The following SEC23IP variants were observed in gnomAD, a reference collection of about 807,000 sequenced individuals.
The protein encoded by SEC23IP is SEC23 interacting protein, also known as SEC23-interacting protein.
A neutral mutation model predicts 113.4 loss-of-function variants in SEC23IP; 70 were observed. The ratio of observed to expected loss-of-function variants is 0.62; its 90% CI spans 0.51 to 0.75. SEC23IP has a LOEUF of 0.75. Ranked by LOEUF, SEC23IP falls within the 30% of genes least tolerant of loss-of-function variation. The probability of loss-of-function intolerance (pLI) is 0.00; values close to 1 mark genes in which losing one functional copy is unlikely to be tolerated. For synonymous variants in SEC23IP, 398 were observed against 421.0 expected (o/e 0.95, Z 0.67); for missense variants, 1,160 against 1,204.9 (o/e 0.96, Z 0.55).
rs568198496 is a variant in SEC23IP at position 119,937,033 on chromosome 10, G to C, written c.*20+3246G>C. Among the ~76,000 whole-genome samples, 4 of 151,716 alleles carry C rather than the reference G, an allele frequency of 2.6e-5. No individual in the cohort carries two copies. In the East Asian group the frequency reaches 7.9e-4, roughly 30 times the overall value. ...CTCCCGAGTAGCTGGGACTACAGGC[G>C]CCCGCTGCTGTGCCCAGCTAATTTT... On this transcript the variant is annotated intron_variant, in intron 18 of 18. Coordinates refer to ENST00000369075, the MANE Select transcript of SEC23IP (RefSeq NM_007190.4).
intron 6 of SEC23IP, among the ~76,000 whole-genome samples, chr10:119,912,384 C>T (rs142984716): frequency 9.9e-5 from 15 of 152,276 alleles, no homozygotes; most frequent in Non-Finnish European, 1.8e-4. Context: ...TTGCCTGCCT[C>T]GGCCTCCCAG....
chr10:119,914,130 A>C (rs892426424), intron 6 of SEC23IP, among the ~76,000 whole-genome samples: 1 of 152,184 alleles, frequency 6.6e-6, no homozygotes, highest in Non-Finnish European at 1.5e-5. Context: ...ATTGCACTCT[A>C]TCCCGGGCGA....
rs1855948686 is a variant in SEC23IP at position 119,941,033 on chromosome 10, T to C, written c.*468T>C. On this transcript the variant is annotated 3_prime_UTR_variant, in exon 19 of 19. Coordinates refer to ENST00000369075, the MANE Select transcript of SEC23IP (RefSeq NM_007190.4). Reference sequence around the variant, plus strand: ...TTGAGAAACTATAGTAATATGATTTTTAAGAGATTTATGTTCTACTTAAAA... The same window carrying C: ...TTGAGAAACTATAGTAATATGATTTCTAAGAGATTTATGTTCTACTTAAAA... 6.6e-6 allele frequency: 1 copy of C among 152,234 alleles called. No homozygotes were observed. Among genetic ancestry groups the C allele is most frequent in the African/African-American group, 2.4e-5 (1 of 41,454 alleles). The allele number at this position is 152,234 out of a possible 1,614,324, so 9.4% of individuals were successfully genotyped here.
rs149556449 is a variant in SEC23IP at position 119,919,211 on chromosome 10, C to T, written c.1873-233C>T. On this transcript the variant is annotated intron_variant, in intron 10 of 18. Coordinates refer to ENST00000369075, the MANE Select transcript of SEC23IP (RefSeq NM_007190.4). ...GTTTCATCATGTTGGCCAGGCTGGT[C>T]TTCAACTCCTGACCTCAGGTGATGC... is the stretch of plus-strand genomic sequence containing the variant. Among the ~76,000 whole-genome samples the T allele has an allele frequency of 3.0e-3, 463 of 152,182 alleles. 2 individuals carry two copies. The highest frequency in any genetic ancestry group is 0.011 in the African/African-American group (440 of 41,528).
Position 119,892,929 on chromosome 10 carries a change from C to G in SEC23IP, c.147C>G (p.Ser49=). Residue 49 remains serine, a synonymous_variant, in exon 1 of 19, where the codon TCC becomes TCG. Transcript: ENST00000369075. Reference sequence around the variant, plus strand: ...CCCAGGCCTCCGCTTCTCCGGCCTCCCTGCTCTTACCGGGAGGTAATAAGG... The same window carrying G: ...CCCAGGCCTCCGCTTCTCCGGCCTCGCTGCTCTTACCGGGAGGTAATAAGG... ...PVTQASASPA[S]LLLPGEDSTD... The G allele has an allele frequency of 3.1e-6, 5 of 1,612,828 alleles. No homozygotes were observed. Among genetic ancestry groups the G allele is most frequent in the Non-Finnish European group, 4.2e-6 (5 of 1,179,390 alleles).
chr10:119,905,191 TAAAG>T (rs1264903210), intron 4 of SEC23IP, among the ~76,000 whole-genome samples: 3 of 151,856 alleles, frequency 2.0e-5, no homozygotes, highest in Non-Finnish European at 4.4e-5. Flanking sequence ...TGTATATATA[TAAAG>T]AAAAAAGTGT....
At position 119,925,847 on chromosome 10, in the gene SEC23IP, A is replaced by AT. The variant is rs542619001; in HGVS notation, c.2122-182dup. ...GTGAGCCACTGTGCCTGACCTGGACATTTTTTTAAATTAGCTGAAGCAAAA... is the reference window on the plus strand; with the variant it reads ...GTGAGCCACTGTGCCTGACCTGGACATTTTTTTTAAATTAGCTGAAGCAAAA... On this transcript the variant is annotated intron_variant, in intron 12 of 18. Transcript: ENST00000369075. Among the ~76,000 whole-genome samples, 44 of 152,260 alleles carry AT rather than the reference A, an allele frequency of 2.9e-4. 1 individual carries two copies. The South Asian group carries it at 8.7e-3, about 30-fold the overall frequency.
Position 119,917,926 on chromosome 10 carries a change from C to A in SEC23IP, c.1635C>A (p.Pro545=). 6.2e-7 allele frequency: 1 copy of A among 1,613,894 alleles called. No individual in the cohort carries two copies. The highest frequency in any genetic ancestry group is 8.5e-7 in the Non-Finnish European group (1 of 1,179,816). Residue 545 remains proline, a synonymous_variant, in exon 9 of 19, where the codon CCC becomes CCA. Coordinates refer to ENST00000369075, the MANE Select transcript of SEC23IP (RefSeq NM_007190.4). ...TAGATATTTTATTTTATAACAGCCC[C>A]ACCTACTGTCAGACAATTGTGGAAA... ...TLLDILFYNS[P]TYCQTIVEKV...
At chr10:119,912,642 CTT>C (rs760515822) in intron 6 of SEC23IP, among the ~76,000 whole-genome samples, 17 of 116,366 alleles carry the variant, frequency 1.5e-4, no homozygotes, top group Non-Finnish European at 1.7e-4. Context: ...TTTTCTTTTT[CTT>C]TTTTTTTTTT....
chr10:119,910,064 C>G (rs1215663290), intron 5 of SEC23IP, among the ~76,000 whole-genome samples: 1 of 152,146 alleles, frequency 6.6e-6, no homozygotes, highest in Admixed American at 6.5e-5. Context: ...GTTACATGTT[C>G]CCTGTTGAAG....
intron 5 of SEC23IP, among the ~76,000 whole-genome samples, chr10:119,909,646 C>T (rs1415663801): frequency 1.3e-5 from 2 of 151,966 alleles, no homozygotes; most frequent in African/African-American, 4.8e-5. Context: ...CCTGTAATCC[C>T]AGCGCTTTGG....
intron 18 of SEC23IP, among the ~76,000 whole-genome samples, chr10:119,935,154 T>G (rs1466831367): frequency 6.6e-6 from 1 of 151,936 alleles, no homozygotes; most frequent in Non-Finnish European, 1.5e-5. Flanking sequence ...CACTTTTAAG[T>G]TTTTCTTTTT....
chr10:119,935,091 C>T (rs1855729254), intron 18 of SEC23IP, among the ~76,000 whole-genome samples: 1 of 152,224 alleles, frequency 6.6e-6, no homozygotes, highest in Admixed American at 6.5e-5. Flanking sequence ...CTAGAGGCAG[C>T]CAGTGTTCCA....
chr10:119,912,024 A>G lies in SEC23IP; in HGVS notation c.1192-20A>G. 6.2e-7 allele frequency: 1 copy of G among 1,613,192 alleles called. No individual in the cohort carries two copies. Among genetic ancestry groups the G allele is most frequent in the South Asian group, 1.1e-5 (1 of 90,896 alleles). On this transcript the variant is annotated intron_variant, in intron 5 of 18. Coordinates refer to ENST00000369075, the MANE Select transcript of SEC23IP (RefSeq NM_007190.4). ...AGAATTTGTTAATGAGCTTTGTCAT[A>G]ATTCTGTTGCATCTTGAAGGTTATT...
chr10:119,902,598 T>A (rs538597120), intron 2 of SEC23IP, among the ~76,000 whole-genome samples: 1 of 152,300 alleles, frequency 6.6e-6, no homozygotes, highest in East Asian at 1.9e-4. Flanking sequence ...TAGATATCCC[T>A]CACCTCAAGC....
rs1762964978 is a variant in SEC23IP at position 119,941,223 on chromosome 10, A to G, written c.*658A>G. The G allele has an allele frequency of 6.6e-6, 1 of 152,208 alleles. No homozygotes were observed. The highest frequency in any genetic ancestry group is 2.1e-4 in the South Asian group (1 of 4,834). 9.4% of individuals were successfully genotyped at this position (152,208 alleles called of 1,614,324 possible). On this transcript the variant is annotated 3_prime_UTR_variant, in exon 19 of 19. Transcript: ENST00000369075. ...AGAAGTGAGATGCACCTTATTTTCA[A>G]GAAGTCCTGGGAAGCGCTCTCCTAG...
At chr10:119,908,826 A>C (rs1393879891) in intron 4 of SEC23IP, among the ~76,000 whole-genome samples, 1 of 152,162 alleles carries the variant, frequency 6.6e-6, no homozygotes, top group Non-Finnish European at 1.5e-5. Context: ...GGTTTTCTTC[A>C]TTATATAATG....
intron 18 of SEC23IP, among the ~76,000 whole-genome samples, chr10:119,934,762 G>GT (rs913005438): frequency 1.3e-5 from 2 of 152,188 alleles, no homozygotes; most frequent in Admixed American, 1.3e-4. Context: ...TTTTAGAGAG[G>GT]TAAGTACTTT....
rs943015217 is a variant in SEC23IP, at chr10:119,942,548, C to T, written c.*1983C>T. 11 of 152,174 alleles carry T rather than the reference C, an allele frequency of 7.2e-5. No homozygotes were observed. The highest frequency in any genetic ancestry group is 1.5e-4 in the Non-Finnish European group (10 of 68,036). The allele number at this position is 152,174 out of a possible 1,614,324, so 9.4% of individuals were successfully genotyped here. ...CTCTGCCTCTTCCTCAGGAGCAGCT[C>T]ATCCCCTGACAACCTCCCCTCCCAG... On this transcript the variant is annotated 3_prime_UTR_variant, in exon 19 of 19. Coordinates refer to ENST00000369075, the MANE Select transcript of SEC23IP (RefSeq NM_007190.4).
Sources: gnomAD v4.1 joint callset for allele counts (sites outside exome capture counted in the v4.1 genomes callset) on GRCh38, gnomAD v4.1.1 for gene constraint, MANE v1.5 for transcripts, NCBI Gene and HGNC (gene_info 2026-07-23, HGNC 2026-07-21) for gene names.